Variants in CFAP221 observed in about 807,000 individuals in gnomAD.
CFAP221 encodes the protein cilia- and flagella-associated protein 221.
Under a neutral mutation model 113.1 loss-of-function variants are expected in CFAP221, and 97 were observed. The ratio of observed to expected loss-of-function variants is 0.86; its 90% CI spans 0.73 to 1.02. The LOEUF (loss-of-function observed/expected upper bound fraction) is 1.02. Among genes scored for constraint, CFAP221 ranks in the 50% least tolerant of loss-of-function variants. CFAP221 has a pLI of 0.00. For missense variants in CFAP221, 1,025 were observed against 1,013.4 expected, an observed-to-expected ratio of 1.01 and a Z score of -0.16; for synonymous variants, 331 against 354.4, an observed-to-expected ratio of 0.93 and a Z score of 0.74.
intron 8 of CFAP221, among the ~76,000 whole-genome samples, chr2:119,603,862 A>G (rs145715574): frequency 3.0e-4 from 45 of 152,360 alleles, no homozygotes; most frequent in African/African-American, 1.1e-3. Flanking sequence ...GTTCTACTGC[A>G]TCTCATAACA....
chr2:119,594,084 C>T lies in CFAP221; in HGVS notation c.631+6862C>T, dbSNP rs537132227. 1.2e-4 allele frequency among the ~76,000 whole-genome samples: 19 copies of T among 152,314 alleles called. No homozygotes were observed. In the East Asian group the frequency reaches 3.7e-3, roughly 29 times the overall value. ...GTTCCTTTTCTTTTTCCATGTGTCT[C>T]CTGAGCTCCACCAGTTCTCTTTTCG... On this transcript the variant is annotated intron_variant, in intron 7 of 23. Coordinates refer to ENST00000413369, the MANE Select transcript of CFAP221 (RefSeq NM_001271049.2).
At chr2:119,604,326 C>T (rs1039564261) in intron 8 of CFAP221, among the ~76,000 whole-genome samples, 12 of 151,764 alleles carry the variant, frequency 7.9e-5, no homozygotes, top group African/African-American at 2.7e-4. Flanking sequence ...CCCAGGTATG[C>T]GGGAGGCTGA....
intron 12 of CFAP221, among the ~76,000 whole-genome samples, chr2:119,610,469 G>T (rs1685072843): frequency 6.6e-6 from 1 of 152,178 alleles, no homozygotes; most frequent in African/African-American, 2.4e-5. Flanking sequence ...CAAGTCAGCA[G>T]TGTCTTAATA....
intron 7 of CFAP221, among the ~76,000 whole-genome samples, chr2:119,592,995 G>C (rs1683700490): frequency 6.6e-6 from 1 of 152,160 alleles, no homozygotes; most frequent in African/African-American, 2.4e-5. Context: ...TTTTGATCTG[G>C]AGAAAAATGA....
rs148111918 is a variant in CFAP221, at chr2:119,637,132, G to A, written c.1975-1127G>A. 3.7e-3 allele frequency among the ~76,000 whole-genome samples: 567 copies of A among 152,318 alleles called. 5 individuals carry two copies. Among genetic ancestry groups the A allele is most frequent in the African/African-American group, 0.013 (539 of 41,550 alleles). On this transcript the variant is annotated intron_variant, in intron 19 of 23. Transcript: ENST00000413369. ...CTCAACCACAAGTGCTTACCAAGGT[G>A]TATGCTTGTTTCCACATTACTGTGG... is the stretch of plus-strand genomic sequence containing the variant.
intron 6 of CFAP221, among the ~76,000 whole-genome samples, chr2:119,582,457 C>CTT (rs200310556): frequency 5.1e-5 from 7 of 136,870 alleles, no homozygotes; most frequent in African/African-American, 5.4e-5. Flanking sequence ...TAAGACATAT[C>CTT]TTTTTTTTTT....
chr2:119,614,781 A>G (rs1390642719), intron 13 of CFAP221, among the ~76,000 whole-genome samples: 2 of 152,254 alleles, frequency 1.3e-5, no homozygotes, highest in African/African-American at 4.8e-5. Context: ...CAACGATGAT[A>G]AAATTCTAAT....
At chr2:119,618,150 T>C (rs2104721814) in intron 14 of CFAP221, among the ~76,000 whole-genome samples, 1 of 152,354 alleles carries the variant, frequency 6.6e-6, no homozygotes, top group South Asian at 2.1e-4. Context: ...CATCCCACTT[T>C]GCCTCCTATA....
At position 119,640,295 on chromosome 2, in the gene CFAP221, G is replaced by T. The variant is rs192927932; in HGVS notation, c.2225+423G>T. 9.2e-5 allele frequency among the ~76,000 whole-genome samples: 14 copies of T among 152,076 alleles called. No homozygotes were observed. In the East Asian group the frequency reaches 2.7e-3, roughly 29 times the overall value. ...CTGTATCCAGTTCCAAAGGATCCAT[G>T]GCCCTCTTGTGCCACAGGCTGGCAT... is the stretch of plus-strand genomic sequence containing the variant. On this transcript the variant is annotated intron_variant, in intron 21 of 23. Coordinates refer to ENST00000413369, the MANE Select transcript of CFAP221 (RefSeq NM_001271049.2).
intron 13 of CFAP221, among the ~76,000 whole-genome samples, chr2:119,614,017 A>G (rs1345944380): frequency 2.0e-5 from 3 of 152,212 alleles, no homozygotes; most frequent in Non-Finnish European, 4.4e-5. Context: ...CTTCTGCCAG[A>G]TACCTAAATC....
chr2:119,565,154 T>C (rs1681530853), intron 6 of CFAP221, among the ~76,000 whole-genome samples: 1 of 152,198 alleles, frequency 6.6e-6, no homozygotes, highest in African/African-American at 2.4e-5. Flanking sequence ...TCCACCACAG[T>C]ACTTCCTCCT....
At chr2:119,606,817 A>G (rs1469121487) in intron 11 of CFAP221, among the ~76,000 whole-genome samples, 4 of 152,078 alleles carry the variant, frequency 2.6e-5, no homozygotes, top group Admixed American at 2.0e-4. Flanking sequence ...TTTATGTTGA[A>G]AGATCTTAAA....
At chr2:119,621,923 C>G (rs970702490) in intron 14 of CFAP221, among the ~76,000 whole-genome samples, 5 of 152,070 alleles carry the variant, frequency 3.3e-5, no homozygotes, top group African/African-American at 9.7e-5. Context: ...TAAATGCCCA[C>G]AGGAGAAAGC....
chr2:119,566,372 G>A (rs1358183685), intron 6 of CFAP221, among the ~76,000 whole-genome samples: 3 of 152,094 alleles, frequency 2.0e-5, no homozygotes, highest in South Asian at 2.1e-4. Flanking sequence ...ACTTGCTCCC[G>A]ACCACCGCCT....
At position 119,629,305 on chromosome 2, in the gene CFAP221, C is replaced by G. The variant is rs187766181; in HGVS notation, c.1651-570C>G. On this transcript the variant is annotated intron_variant, in intron 16 of 23. Transcript: ENST00000413369. ...TAGGCAGTTCTTCGGGGGTTCACAC[C>G]TGTGGAAGGCAGATAGAGGGGACAG... is the stretch of plus-strand genomic sequence containing the variant. Among the ~76,000 whole-genome samples the G allele has an allele frequency of 1.3e-3, 205 of 152,230 alleles. 2 individuals carry two copies. Among genetic ancestry groups the G allele is most frequent in the Non-Finnish European group, 1.1e-3 (73 of 68,018 alleles).
intron 21 of CFAP221, among the ~76,000 whole-genome samples, chr2:119,643,065 A>G (rs531838542): frequency 6.6e-6 from 1 of 152,286 alleles, no homozygotes; most frequent in South Asian, 2.1e-4. Context: ...TGTTGGGATT[A>G]CAGGTGTGAG....
intron 15 of CFAP221, among the ~76,000 whole-genome samples, chr2:119,626,885 G>A (rs966289646): frequency 5.3e-5 from 8 of 150,828 alleles, no homozygotes; most frequent in Admixed American, 1.3e-4. Context: ...AGCTATGATC[G>A]CACCACTGCA....
chr2:119,607,237 C>G (rs1332032160), intron 11 of CFAP221, among the ~76,000 whole-genome samples: 1 of 152,224 alleles, frequency 6.6e-6, no homozygotes, highest in Non-Finnish European at 1.5e-5. Flanking sequence ...AAGCAATCCA[C>G]TAGCCCTGGC....
At chr2:119,553,186 G>A (rs1680548986) in intron 3 of CFAP221, among the ~76,000 whole-genome samples, 1 of 152,202 alleles carries the variant, frequency 6.6e-6, no homozygotes, top group African/African-American at 2.4e-5. Context: ...ACCTCTGTAG[G>A]AGGGTGTTGG....
Sources: allele counts gnomAD v4.1 joint callset (sites outside exome capture counted in the v4.1 genomes callset), GRCh38; gene constraint gnomAD v4.1.1; transcripts MANE v1.5; gene names NCBI Gene and HGNC (gene_info 2026-07-23, HGNC 2026-07-21).